SMC1A: variants seen among roughly 807,000 people sequenced by gnomAD.
SMC1A encodes the protein structural maintenance of chromosomes 1A.
A neutral mutation model predicts 94.5 loss-of-function variants in SMC1A; 4 were observed. The observed-to-expected ratio is 0.04, with a 90% confidence interval of 0.02 to 0.10. The LOEUF (loss-of-function observed/expected upper bound fraction) is 0.10. Ranked by LOEUF, SMC1A falls within the 10% of genes least tolerant of loss-of-function variation. SMC1A has a pLI of 1.00. For synonymous variants in SMC1A, 345 were observed against 347.7 expected, an observed-to-expected ratio of 0.99 and a Z score of 0.09; for missense variants, 304 against 989.0, an observed-to-expected ratio of 0.31 and a Z score of 9.29.
rs1351722530 is a variant in SMC1A, at chrX:53,374,294, C to T, written c.*5809G>A. 2 of 111,922 alleles carry T rather than the reference C, an allele frequency of 1.8e-5. No homozygotes were observed. Among genetic ancestry groups the T allele is most frequent in the Non-Finnish European group, 3.8e-5 (2 of 53,174 alleles). 9.2% of individuals were successfully genotyped at this position (111,922 alleles called of 1,213,427 possible). A position where few individuals can be genotyped will look rare whatever the true frequency, so the allele number is the denominator to read the frequency against. ...AGCCTGGCTTATCTTGTCACCCCCT[C>T]AGCTGCAGGCATCTGTTGCTCCCTT... On this transcript the variant is annotated 3_prime_UTR_variant, in exon 25 of 25. Coordinates refer to ENST00000322213, the MANE Select transcript of SMC1A (RefSeq NM_006306.4).
intron 19 of SMC1A, among the ~76,000 whole-genome samples, chrX:53,383,798 A>C (rs1346179402): frequency 8.9e-6 from 1 of 112,358 alleles, no homozygotes; most frequent in African/African-American, 3.2e-5. Context: ...ATGCCTACCA[A>C]GTGCCAGACA....
intron 19 of SMC1A, among the ~76,000 whole-genome samples, chrX:53,389,479 CCAACA>C (rs1556886888): frequency 1.8e-5 from 2 of 111,362 alleles, no homozygotes; most frequent in African/African-American, 6.5e-5. Flanking sequence ...GCCTGTAATC[CCAACA>C]CTTCAGGAGG....
chrX:53,384,339 T>C (rs1412863105), intron 19 of SMC1A, among the ~76,000 whole-genome samples: 1 of 108,063 alleles, frequency 9.3e-6, no homozygotes, highest in Non-Finnish European at 1.9e-5. Context: ...TCTCTGGTCA[T>C]TGCAAGCTCC....
chrX:53,398,731 A>G, intron 16 of SMC1A, among the ~76,000 whole-genome samples: 1 of 111,723 alleles, frequency 9.0e-6, no homozygotes. Flanking sequence ...TACATAAATA[A>G]TGTTACAAAC....
intron 1 of SMC1A, among the ~76,000 whole-genome samples, chrX:53,417,822 A>G (rs2075738174): frequency 8.9e-6 from 1 of 112,038 alleles, no homozygotes; most frequent in Admixed American, 9.5e-5. Flanking sequence ...AATGTAATTG[A>G]GTCTGTAATT....
Position 53,382,252 on chromosome X carries a change from G to C in SMC1A, c.3417C>G (p.Ala1139=), listed in dbSNP as rs782774095. 7.4e-6 allele frequency: 9 copies of C among 1,211,616 alleles called. No homozygotes were observed. Among genetic ancestry groups the C allele is most frequent in the Non-Finnish European group, 1.0e-5 (9 of 895,423 alleles). ...SGGEKTVAAL[A]LLFAIHSYKP... is the part of the protein sequence containing the mutation. ...CTTACCTGTGGATGGCAAAGAGCAG[G>C]GCCAGAGCTGCCACTGTCTTCTCCC... Residue 1139 remains alanine (A), a synonymous_variant, in exon 22 of 25, where the codon GCC becomes GCG. Transcript: ENST00000322213.
At chrX:53,391,150 C>T (rs1194320625) in intron 19 of SMC1A, among the ~76,000 whole-genome samples, 1 of 108,544 alleles carries the variant, frequency 9.2e-6, no homozygotes, top group Non-Finnish European at 1.9e-5. Context: ...CCCGTCTCTA[C>T]TAAAAATAAA....
In SMC1A at chrX:53,403,837, G is replaced by C. The variant is rs1556889271; in HGVS notation, c.2253C>G (p.Ile751Met). The C allele has an allele frequency of 8.3e-7, 1 of 1,210,675 alleles. No homozygotes were observed. Among genetic ancestry groups the C allele is most frequent in the Non-Finnish European group, 1.1e-6 (1 of 894,769 alleles). The change falls in exon 14 of 25, where the codon ATC becomes ATG. Residue 751 changes from isoleucine (I) to methionine (M), a missense_variant. Ile to Met is a conservative substitution (Grantham distance 10). Transcript: ENST00000322213. ...LANFGPRIND[I>M]KRIIQSRERE... The stretch of plus-strand genomic sequence containing the variant: ...TCTCTCGGCTCTGAATGATCCTCTT[G>C]ATATCATTAATGCGAGGCCCAAAGT...
chrX:53,408,941 G>A (rs1453443555), intron 9 of SMC1A, 121 bp downstream of exon 9: 7 of 662,208 alleles, frequency 1.1e-5, no homozygotes, highest in Admixed American at 2.6e-5. Flanking sequence ...AAACCTCTCC[G>A]AGCCTCATTT....
In SMC1A at chrX:53,422,479, A is replaced by C. The variant is rs782668468; in HGVS notation, c.109+13T>G. ...CCGGGACGTGCGCAGGGCCGCGGCCAGGTTTATCTCACCAGAGCCATTGGG... is the reference window on the plus strand; with the variant it reads ...CCGGGACGTGCGCAGGGCCGCGGCCCGGTTTATCTCACCAGAGCCATTGGG... On this transcript the variant is annotated intron_variant, in intron 1 of 24. Coordinates refer to ENST00000322213, the MANE Select transcript of SMC1A (RefSeq NM_006306.4). 2.3e-5 allele frequency: 25 copies of C among 1,110,872 alleles called. No homozygotes were observed. Among genetic ancestry groups the C allele is most frequent in the African/African-American group, 3.6e-5 (2 of 55,601 alleles). 91.5% of individuals were successfully genotyped at this position (1,110,872 alleles called of 1,213,427 possible).
Position 53,405,879 on chromosome X carries a change from G to A in SMC1A, c.1623C>T (p.Asn541=). ...QIAVTKVLGK[N]MDAIIVDSEK... is the part of the protein sequence containing the mutation. ...CCGAGTCCACAATAATGGCATCCAT[G>A]TTCTTGCCCAAAACCTTGGTTACAG... Residue 541 remains asparagine, a synonymous_variant, in exon 10 of 25, where the codon AAC becomes AAT. Transcript: ENST00000322213. The A allele has an allele frequency of 1.7e-6, 2 of 1,211,174 alleles. No individual in the cohort carries two copies. Among genetic ancestry groups the A allele is most frequent in the Non-Finnish European group, 2.2e-6 (2 of 895,063 alleles).
intron 18 of SMC1A, 77 bp downstream of exon 18, chrX:53,396,150 C>A: frequency 3.7e-6 from 4 of 1,086,521 alleles, no homozygotes; most frequent in Non-Finnish European, 5.1e-6. Context: ...TCTCACTGCC[C>A]TTCCTGGTCA....
At chrX:53,415,506 G>C (rs1248866602) in intron 1 of SMC1A, among the ~76,000 whole-genome samples, 1 of 110,505 alleles carries the variant, frequency 9.0e-6, no homozygotes, top group Non-Finnish European at 1.9e-5. Context: ...TGGACAACAA[G>C]GCAAAACCCA....
At chrX:53,417,598 G>C (rs1556891459) in intron 1 of SMC1A, among the ~76,000 whole-genome samples, 1 of 105,387 alleles carries the variant, frequency 9.5e-6, no homozygotes, top group Non-Finnish European at 1.9e-5. Flanking sequence ...CAAAACATGA[G>C]AGATTTCTGA....
intron 1 of SMC1A, among the ~76,000 whole-genome samples, chrX:53,415,645 C>T (rs1197568149): frequency 6.0e-5 from 6 of 100,334 alleles, no homozygotes; most frequent in East Asian, 6.2e-4. Context: ...CTAGCCTGGG[C>T]GACAGAGCGA....
chrX:53,406,962 T>C (rs1259079175), intron 9 of SMC1A, among the ~76,000 whole-genome samples: 1 of 112,280 alleles, frequency 8.9e-6, no homozygotes, highest in Non-Finnish European at 1.9e-5. Flanking sequence ...CCTCCCAAAG[T>C]GCGAGGATTA....
chrX:53,411,458 C>T (rs2075712479), intron 7 of SMC1A, among the ~76,000 whole-genome samples: 1 of 110,434 alleles, frequency 9.1e-6, no homozygotes. Context: ...GACATGGTGG[C>T]GCACGCCTGT....
chrX:53,404,224 A>G (rs1556889309), intron 13 of SMC1A, among the ~76,000 whole-genome samples: 1 of 111,041 alleles, frequency 9.0e-6, no homozygotes, highest in Non-Finnish European at 1.9e-5. Context: ...AAAAAGATAT[A>G]TAAATACACA....
At chrX:53,411,729 C>A (rs2075713877) in intron 7 of SMC1A, 32 bp downstream of exon 7, 1 of 1,199,319 alleles carries the variant, frequency 8.3e-7, no homozygotes, top group Non-Finnish European at 1.1e-6. Flanking sequence ...TTTCTGTGGA[C>A]CATCATCCCT....
Sources: allele counts gnomAD v4.1 joint callset (sites outside exome capture counted in the v4.1 genomes callset), GRCh38; gene constraint gnomAD v4.1.1; transcripts MANE v1.5; gene names NCBI Gene and HGNC (gene_info 2026-07-23, HGNC 2026-07-21).